MATR3: variants seen among roughly 807,000 people sequenced by gnomAD.
MATR3 encodes matrin-3.
Under a neutral mutation model 85.5 loss-of-function variants are expected in MATR3, and 4 were observed. The ratio of observed to expected loss-of-function variants is 0.05; its 90% CI spans 0.02 to 0.11. The LOEUF (loss-of-function observed/expected upper bound fraction) is 0.11. Among genes scored for constraint, MATR3 ranks in the 10% least tolerant of loss-of-function variants. MATR3 has a pLI of 1.00. For synonymous variants in MATR3, 336 were observed against 343.1 expected (o/e 0.98, Z 0.23); for missense variants, 685 against 1,016.1 (o/e 0.67, Z 4.43).
rs900088035 is a variant in MATR3, at chr5:139,316,326, A to G, written c.1129+138A>G. On this transcript the variant is annotated intron_variant, in intron 5 of 14. Coordinates refer to ENST00000394805, the MANE Select transcript of MATR3 (RefSeq NM_018834.6). ...AATGGCACGATCTCGACTCACTGCA[A>G]CCTCTGCCTCCTGGGTGCAAGCAGT... 3.6e-5 allele frequency: 24 copies of G among 672,302 alleles called. No homozygotes were observed. The African/African-American group carries it at 3.6e-4, about 10-fold the overall frequency. 41.6% of individuals were successfully genotyped at this position (672,302 alleles called of 1,614,324 possible).
chr5:139,274,329 G>A, intron 1 of MATR3: 6 of 346,774 alleles, frequency 1.7e-5, no homozygotes, highest in South Asian at 1.1e-4. Flanking sequence ...GTCGTCCCCT[G>A]TTTTTCTACC....
intron 1 of MATR3, among the ~76,000 whole-genome samples, chr5:139,302,317 G>A (rs1754488498): frequency 6.6e-5 from 10 of 152,076 alleles, no homozygotes; most frequent in Admixed American, 5.9e-4. Flanking sequence ...ATGAGATTGT[G>A]ACACTCAAAA....
chr5:139,320,509 AG>A (rs1471810284), intron 9 of MATR3, among the ~76,000 whole-genome samples: 1 of 152,274 alleles, frequency 6.6e-6, no homozygotes, highest in South Asian at 2.1e-4. Flanking sequence ...GTCTGAAGTC[AG>A]GTGGAACACT....
At chr5:139,321,645 T>A (rs1755576109) in intron 9 of MATR3, among the ~76,000 whole-genome samples, 1 of 151,994 alleles carries the variant, frequency 6.6e-6, no homozygotes, top group Admixed American at 6.6e-5. Flanking sequence ...TAGCCAGGCA[T>A]TGGTGGTGCA....
At chr5:139,310,024 C>T (rs1458957665) in intron 2 of MATR3, 2 of 152,154 alleles carry the variant, frequency 1.3e-5, no homozygotes, top group East Asian at 1.9e-4. Context: ...AGTCATTAAG[C>T]TGTTGGGACA....
In MATR3 at chr5:139,308,311, C is replaced by G; in HGVS notation, c.896C>G (p.Pro299Arg). The change falls in exon 2 of 15, where the codon CCA (proline) becomes CGA (arginine). Residue 299 changes from proline (P) to arginine (R), a missense_variant. Around this residue, in one of 9 missense-constraint regions of MATR3, gnomAD observed 223 missense variants for 334.4 expected, o/e 0.67. Coordinates refer to ENST00000394805, the MANE Select transcript of MATR3 (RefSeq NM_018834.6). The part of the protein sequence containing the change: ...YPHLCSICDL[P>R]VHSNKEWSQH... ...CATCTGTGCTCTATATGTGATTTGC[C>G]AGTTCATTCTAATAAGGTGAGTTAA... The G allele has an allele frequency of 1.9e-6, 3 of 1,614,022 alleles. No individual in the cohort carries two copies. Among genetic ancestry groups the G allele is most frequent in the Non-Finnish European group, 2.5e-6 (3 of 1,179,980 alleles).
rs747024958 is a variant in MATR3 at position 139,322,936 on chromosome 5, C to T, written c.2117C>T (p.Ala706Val). 4 of 1,613,994 alleles carry T rather than the reference C, an allele frequency of 2.5e-6. No homozygotes were observed. The highest frequency in any genetic ancestry group is 2.2e-5 in the South Asian group (2 of 91,072). ...AAAGCTGTGAAAAAAGATGGAAGTG[C>T]TTCAGCAGCAGCAAAGAAAAAGCTT... is the stretch of plus-strand genomic sequence containing the variant. Reference protein sequence around the residue: ...SDKAVKKDGSASAAAKKKLKK... With the variant: ...SDKAVKKDGSVSAAAKKKLKK... Residue 706 changes from alanine to valine, a missense_variant, in exon 12 of 15, where the codon GCT becomes GTT. By Grantham distance (64) the Ala-to-Val change is moderately conservative (BLOSUM62 0). This residue lies in a region of MATR3 where 215 missense variants were observed against 194.7 expected (regional missense o/e 1.10). Transcript: ENST00000394805.
Position 139,330,302 on chromosome 5 carries a change from C to T in MATR3, c.*907C>T, listed in dbSNP as rs1342400266. The T allele has an allele frequency of 2.2e-6, 1 of 453,552 alleles. No individual in the cohort carries two copies. The highest frequency in any genetic ancestry group is 2.4e-5 in the Admixed American group (1 of 42,412). The allele number at this position is 453,552 out of a possible 1,614,324, so 28.1% of individuals were successfully genotyped here. On this transcript the variant is annotated 3_prime_UTR_variant, in exon 15 of 15. Transcript: ENST00000394805. ...TGTGACCTTTGTGAACAGAAATTTG[C>T]ATGTATAATTTGTGTTTACTTGTAA... is the stretch of plus-strand genomic sequence containing the variant.
In MATR3 at chr5:139,329,378, CAGA is replaced by C. The variant is rs1232740498; in HGVS notation, c.2533_2535del (p.Lys845del). 6.2e-7 allele frequency: 1 copy of C among 1,611,942 alleles called. No individual in the cohort carries two copies. Among genetic ancestry groups the C allele is most frequent in the Non-Finnish European group, 8.5e-7 (1 of 1,178,522 alleles). On this transcript the variant is annotated inframe_deletion, in exon 15 of 15. Transcript: ENST00000394805. ...GAATAAATTGGCAGAAGAACGCAGA[CAGA>C]AGAAGGAAACTTAAGATGTGCAAGG...
At chr5:139,299,503 G>A (rs1189377169) in intron 1 of MATR3, among the ~76,000 whole-genome samples, 1 of 152,100 alleles carries the variant, frequency 6.6e-6, no homozygotes, top group Non-Finnish European at 1.5e-5. Flanking sequence ...GTGAGACCTT[G>A]TCTCTACTAA....
intron 3 of MATR3, among the ~76,000 whole-genome samples, chr5:139,284,852 AAT>A (rs1384445018): frequency 6.6e-6 from 1 of 152,216 alleles, no homozygotes; most frequent in African/African-American, 2.4e-5. Context: ...GTATAATTAT[AAT>A]ATGTTATTAT....
rs751536372 is a variant in MATR3, at chr5:139,330,303, A to G, written c.*908A>G. The G allele has an allele frequency of 4.4e-6, 2 of 453,590 alleles. No individual in the cohort carries two copies. The highest frequency in any genetic ancestry group is 8.8e-6 in the Non-Finnish European group (2 of 226,408). The allele number at this position is 453,590 out of a possible 1,614,324, so 28.1% of individuals were successfully genotyped here. On this transcript the variant is annotated 3_prime_UTR_variant, in exon 15 of 15. Coordinates refer to ENST00000394805, the MANE Select transcript of MATR3 (RefSeq NM_018834.6). Reference sequence around the variant, plus strand: ...GTGACCTTTGTGAACAGAAATTTGCATGTATAATTTGTGTTTACTTGTAAC... The same window carrying G: ...GTGACCTTTGTGAACAGAAATTTGCGTGTATAATTTGTGTTTACTTGTAAC...
At position 139,322,523 on chromosome 5, in the gene MATR3, T is replaced by C. The variant is rs776365113; in HGVS notation, c.1778+17T>C. On this transcript the variant is annotated intron_variant, in intron 11 of 14. Transcript: ENST00000394805. ...TAAATCCCGGTAATTTCATTTTGTT[T>C]TTCATATGTGTGAGTATATTCAACT... 2.5e-5 allele frequency: 39 copies of C among 1,571,902 alleles called. No individual in the cohort carries two copies. Among genetic ancestry groups the C allele is most frequent in the Non-Finnish European group, 3.3e-5 (38 of 1,145,886 alleles).
intron 6 of MATR3, 49 bp from the exon 7 acceptor site, chr5:139,317,547 A>G: frequency 1.9e-6 from 3 of 1,600,190 alleles, no homozygotes; most frequent in Non-Finnish European, 1.7e-6. Context: ...TTGGTTTCAT[A>G]TTGCTTTAAA....
chr5:139,326,123 C>G (rs147225313), intron 13 of MATR3, 40 bp from the exon 14 acceptor site: 8 of 1,500,028 alleles, frequency 5.3e-6, no homozygotes, highest in Middle Eastern at 2.4e-4. Flanking sequence ...TAAATAAAAT[C>G]TTCAGTTTAA....
At chr5:139,299,141 A>G (rs1350608466) in intron 1 of MATR3, among the ~76,000 whole-genome samples, 2 of 152,186 alleles carry the variant, frequency 1.3e-5, no homozygotes, top group African/African-American at 4.8e-5. Context: ...TCGTATTTTT[A>G]TATACACTGG....
At chr5:139,324,249 C>G (rs1280088525) in intron 12 of MATR3, among the ~76,000 whole-genome samples, 1 of 150,654 alleles carries the variant, frequency 6.6e-6, no homozygotes, top group African/African-American at 2.4e-5. Flanking sequence ...AGACACAGAG[C>G]CAAAATTTAA....
At chr5:139,311,401 C>G (rs1036873351) in intron 2 of MATR3, 1 of 152,094 alleles carries the variant, frequency 6.6e-6, no homozygotes, top group Non-Finnish European at 1.5e-5. Context: ...TTTTATAAAA[C>G]TCTTTCACTT....
At chr5:139,299,406 G>A (rs1754325843) in intron 1 of MATR3, among the ~76,000 whole-genome samples, 1 of 152,190 alleles carries the variant, frequency 6.6e-6, no homozygotes. Flanking sequence ...GGGCACAGTG[G>A]TTCATGTCTA....
Sources: gnomAD v4.1 joint callset for allele counts (sites outside exome capture counted in the v4.1 genomes callset) on GRCh38, gnomAD v4.1.1 for gene constraint, gnomAD v4.1.1 regional missense constraint, MANE v1.5 for transcripts, NCBI Gene and HGNC (gene_info 2026-07-23, HGNC 2026-07-21) for gene names.